Variants in OXSR1 observed in about 807,000 individuals in gnomAD.
OXSR1 encodes serine/threonine-protein kinase OSR1.
OXSR1 carries 24 observed loss-of-function variants against 79.8 expected under a neutral mutation model. The observed-to-expected ratio is 0.30, with a 90% CI of 0.22 to 0.42. The LOEUF is 0.42. Ranked by LOEUF, OXSR1 falls within the 10% of genes least tolerant of loss-of-function variation. The pLI is 1.00. For synonymous variants in OXSR1, 226 were observed against 209.2 expected, an observed-to-expected ratio of 1.08 and a Z score of -0.69; for missense variants, 430 against 618.4, an observed-to-expected ratio of 0.70 and a Z score of 3.23.
At chr3:38,208,403 G>A (rs540329440) in intron 4 of OXSR1, among the ~76,000 whole-genome samples, 3 of 152,196 alleles carry the variant, frequency 2.0e-5, no homozygotes, top group Non-Finnish European at 4.4e-5. Flanking sequence ...GGGGACCCTC[G>A]GTGTTTCCAA....
At position 38,252,799 on chromosome 3, in the gene OXSR1, A is replaced by G. The variant is rs1375792645; in HGVS notation, c.1510-18A>G. 1.3e-6 allele frequency: 2 copies of G among 1,598,010 alleles called. No individual in the cohort carries two copies. The highest frequency in any genetic ancestry group is 1.7e-6 in the Non-Finnish European group (2 of 1,165,636). On this transcript the variant is annotated intron_variant, in intron 17 of 17. Coordinates refer to ENST00000311806, the MANE Select transcript of OXSR1 (RefSeq NM_005109.3). Reference sequence around the variant, plus strand: ...TGTTTATAAATAATCACAGTTTCTCATTTTGTTTGGTTCTTAGGCATCTGG... The same window carrying G: ...TGTTTATAAATAATCACAGTTTCTCGTTTTGTTTGGTTCTTAGGCATCTGG...
intron 3 of OXSR1, among the ~76,000 whole-genome samples, chr3:38,195,564 A>T (rs1020000505): frequency 1.3e-5 from 2 of 152,200 alleles, no homozygotes; most frequent in Non-Finnish European, 2.9e-5. Context: ...GATTTATTAA[A>T]ACTTCCTAGT....
chr3:38,169,053 G>T (rs532252023), intron 1 of OXSR1, among the ~76,000 whole-genome samples: 1 of 152,260 alleles, frequency 6.6e-6, no homozygotes, highest in Admixed American at 6.5e-5. Flanking sequence ...CAAAGTAACT[G>T]TACCATTTTA....
chr3:38,184,558 A>G (rs189934893), intron 2 of OXSR1, among the ~76,000 whole-genome samples: 3 of 152,354 alleles, frequency 2.0e-5, no homozygotes, highest in African/African-American at 7.2e-5. Flanking sequence ...ATGAAGACCT[A>G]TAATTTGCCA....
intron 10 of OXSR1, among the ~76,000 whole-genome samples, chr3:38,233,165 C>T (rs1290685600): frequency 6.6e-6 from 1 of 152,168 alleles, no homozygotes. Context: ...ACACCAGGCA[C>T]AGTTAAACAT....
intron 2 of OXSR1, among the ~76,000 whole-genome samples, chr3:38,190,347 A>G (rs1406649393): frequency 1.3e-5 from 2 of 152,146 alleles, no homozygotes; most frequent in Non-Finnish European, 2.9e-5. Context: ...AAATCCCTAC[A>G]CAAACTATAA....
At chr3:38,196,758 A>G (rs1210846140) in intron 3 of OXSR1, among the ~76,000 whole-genome samples, 1 of 152,228 alleles carries the variant, frequency 6.6e-6, no homozygotes. Flanking sequence ...CTACCAGACT[A>G]GAAGTTCCCT....
At chr3:38,243,116 T>G (rs1703069750) in intron 12 of OXSR1, among the ~76,000 whole-genome samples, 1 of 152,016 alleles carries the variant, frequency 6.6e-6, no homozygotes, top group African/African-American at 2.4e-5. Flanking sequence ...CACTGCAGCC[T>G]TGACCTCCTG....
At chr3:38,233,810 G>GC (rs1702862047) in intron 10 of OXSR1, among the ~76,000 whole-genome samples, 1 of 152,134 alleles carries the variant, frequency 6.6e-6, no homozygotes, top group Admixed American at 6.5e-5. Flanking sequence ...TGCTCAGGAG[G>GC]CTGAGGCAGG....
intron 1 of OXSR1, among the ~76,000 whole-genome samples, chr3:38,178,620 A>ATATATT (rs1265646743): frequency 2.2e-4 from 21 of 95,084 alleles, no homozygotes; most frequent in East Asian, 6.5e-4. Flanking sequence ...ATATATATAT[A>ATATATT]TTTTTTTTTT....
At chr3:38,190,104 G>T (rs1701954767) in intron 2 of OXSR1, among the ~76,000 whole-genome samples, 1 of 151,982 alleles carries the variant, frequency 6.6e-6, no homozygotes, top group African/African-American at 2.4e-5. Context: ...AGGGTTAAAT[G>T]TCCAGAGTTA....
At chr3:38,209,065 A>T (rs1376588798) in intron 4 of OXSR1, among the ~76,000 whole-genome samples, 1 of 151,886 alleles carries the variant, frequency 6.6e-6, no homozygotes, top group Non-Finnish European at 1.5e-5. Flanking sequence ...TTACTCATTG[A>T]AACCTCAGCT....
At position 38,233,482 on chromosome 3, in the gene OXSR1, A is replaced by G. The variant is rs182661735; in HGVS notation, c.951+3052A>G. Among the ~76,000 whole-genome samples the G allele has an allele frequency of 9.8e-5, 15 of 152,326 alleles. No homozygotes were observed. In the East Asian group the frequency reaches 2.5e-3, roughly 25 times the overall value. On this transcript the variant is annotated intron_variant, in intron 10 of 17. Coordinates refer to ENST00000311806, the MANE Select transcript of OXSR1 (RefSeq NM_005109.3). ...TGCTCTTAAATATGAGCATAGATCT[A>G]GGATCACAGGATACCTCAGGGAAAC...
intron 3 of OXSR1, chr3:38,193,320 CT>C: frequency 7.8e-7 from 1 of 1,289,598 alleles, no homozygotes; most frequent in Non-Finnish European, 1.0e-6. Context: ...GTTAAAGGCC[CT>C]GTTCATATGA....
At position 38,250,002 on chromosome 3, in the gene OXSR1, A is replaced by C. The variant is rs774370241; in HGVS notation, c.1359A>C (p.Glu453Asp). 7 of 1,594,054 alleles carry C rather than the reference A, an allele frequency of 4.4e-6. No homozygotes were observed. The highest frequency in any genetic ancestry group is 6.0e-6 in the Non-Finnish European group (7 of 1,163,818). The change falls in exon 15 of 18, where the codon GAA becomes GAC. Residue 453 changes from glutamate (E) to aspartate (D), a missense_variant. By Grantham distance (45) the Glu-to-Asp change is conservative (BLOSUM62 2). This residue lies in a region of OXSR1 where 276 missense variants were observed against 354.2 expected (regional missense o/e 0.78). Transcript: ENST00000311806. Reference protein sequence around the residue: ...SKKELNDIRFEFTPGRDTAEG... With the variant: ...SKKELNDIRFDFTPGRDTAEG... ...AAGAACTAAATGATATTCGATTTGA[A>C]TTTACTCCTGGGAGAGGTGAGGCAT...
chr3:38,188,932 A>T (rs1341358784), intron 2 of OXSR1, among the ~76,000 whole-genome samples: 1 of 152,190 alleles, frequency 6.6e-6, no homozygotes, highest in East Asian at 1.9e-4. Context: ...AAGTTTCATG[A>T]GGACTCCCCA....
At chr3:38,245,993 C>A in intron 12 of OXSR1, 82 bp from the exon 13 acceptor site, 1 of 1,256,174 alleles carries the variant, frequency 8.0e-7, no homozygotes, top group South Asian at 1.2e-5. Context: ...AAAATATCAC[C>A]CTGAAAGGCT....
Position 38,221,607 on chromosome 3 carries a change from G to A in OXSR1, c.520G>A (p.Gly174Ser). The change falls in exon 6 of 18, where the codon GGT becomes AGT. Residue 174 changes from glycine (G) to serine (S), a missense_variant. This residue lies in a region of OXSR1 where 145 missense variants were observed against 228.3 expected (regional missense o/e 0.64). Transcript: ENST00000311806. ...TGGGGTTAGTGCTTTTTTAGCAACT[G>A]GTGGTGATATTACCCGAAATAAAGT... ...DFGVSAFLAT[G>S]GDITRNKVRK... The A allele has an allele frequency of 6.2e-7, 1 of 1,612,698 alleles. No individual in the cohort carries two copies. Among genetic ancestry groups the A allele is most frequent in the Non-Finnish European group, 8.5e-7 (1 of 1,178,876 alleles).
At chr3:38,221,031 A>AT (rs1269328496) in intron 5 of OXSR1, among the ~76,000 whole-genome samples, 2 of 152,196 alleles carry the variant, frequency 1.3e-5, no homozygotes, top group Non-Finnish European at 1.5e-5. Flanking sequence ...TGTGTTTAGA[A>AT]TTACGAACTC....
Sources: allele counts gnomAD v4.1 joint callset (sites outside exome capture counted in the v4.1 genomes callset), GRCh38; gene constraint gnomAD v4.1.1; regional missense constraint gnomAD v4.1.1; transcripts MANE v1.5; gene names NCBI Gene and HGNC (gene_info 2026-07-23, HGNC 2026-07-21).